Variants in SLC16A7 observed in about 807,000 individuals in gnomAD.
SLC16A7 encodes the protein monocarboxylate transporter 2.
SLC16A7 carries 33 observed loss-of-function variants against 34.9 expected under a neutral mutation model. The ratio of observed to expected loss-of-function variants is 0.94; its 90% CI spans 0.72 to 1.26. The LOEUF (loss-of-function observed/expected upper bound fraction) is 1.26, where lower values mean the gene tolerates loss of function less well. Among genes scored for constraint, SLC16A7 ranks in the 50% most tolerant of loss-of-function variants. The pLI, the probability that SLC16A7 is intolerant of heterozygous loss-of-function variation, is 0.00. For missense variants in SLC16A7, 573 were observed against 578.1 expected (o/e 0.99, Z 0.09); for synonymous variants, 201 against 206.6 (o/e 0.97, Z 0.23).
intron 1 of SLC16A7, among the ~76,000 whole-genome samples, chr12:59,615,859 G>T (rs140919962): frequency 6.6e-6 from 1 of 152,192 alleles, no homozygotes; most frequent in African/African-American, 2.4e-5. Flanking sequence ...AAATTGAAAA[G>T]AGAGTCTGCT....
chr12:59,770,187 C>T (rs1227724168), intron 3 of SLC16A7, among the ~76,000 whole-genome samples: 1 of 152,050 alleles, frequency 6.6e-6, no homozygotes, highest in Non-Finnish European at 1.5e-5. Context: ...TATGTATATA[C>T]ACACACAGAC....
At chr12:59,725,616 T>G (rs1876137519) in intron 3 of SLC16A7, among the ~76,000 whole-genome samples, 1 of 152,164 alleles carries the variant, frequency 6.6e-6, no homozygotes, top group Admixed American at 6.5e-5. Flanking sequence ...ATAGATGAGA[T>G]GTATTTTGAA....
At position 59,671,994 on chromosome 12, in the gene SLC16A7, T is replaced by C. The variant is rs1169026356; in HGVS notation, c.-31+16744T>C. On this transcript the variant is annotated intron_variant, in intron 2 of 5. Transcript: ENST00000547379. ...ATATCCATATATCCGTATATATATG[T>C]GTATATATCCATATATCCGTATATA... Among the ~76,000 whole-genome samples the C allele has an allele frequency of 1.7e-4, 3 of 17,382 alleles. 1 individual carries two copies. The highest frequency in any genetic ancestry group is 1.0e-3 in the African/African-American group (3 of 2,942). The allele number at this position is 17,382 out of a possible 152,430, so 11.4% of individuals were successfully genotyped here.
intron 1 of SLC16A7, among the ~76,000 whole-genome samples, chr12:59,635,598 A>G (rs1057209312): frequency 2.6e-5 from 4 of 152,074 alleles, no homozygotes; most frequent in Non-Finnish European, 5.9e-5. Context: ...TCTGTTTGAA[A>G]ATCCATGTAT....
At chr12:59,678,579 T>C (rs887304394) in intron 2 of SLC16A7, among the ~76,000 whole-genome samples, 7 of 152,066 alleles carry the variant, frequency 4.6e-5, no homozygotes, top group Admixed American at 2.0e-4. Context: ...TCTCTTTGAG[T>C]CTAGCTGAGT....
intron 2 of SLC16A7, among the ~76,000 whole-genome samples, chr12:59,681,857 C>G (rs1269123950): frequency 6.6e-6 from 1 of 152,078 alleles, no homozygotes; most frequent in African/African-American, 2.4e-5. Context: ...GAACATGGCT[C>G]AGTTCAGTCT....
At chr12:59,756,420 A>T (rs1317966418) in intron 3 of SLC16A7, among the ~76,000 whole-genome samples, 2 of 151,932 alleles carry the variant, frequency 1.3e-5, no homozygotes, top group Non-Finnish European at 2.9e-5. Flanking sequence ...GAGAAAAACA[A>T]ACAACCCCAT....
intron 3 of SLC16A7, among the ~76,000 whole-genome samples, chr12:59,757,176 C>T (rs924090456): frequency 2.6e-5 from 4 of 151,300 alleles, no homozygotes; most frequent in East Asian, 3.9e-4. Flanking sequence ...TTAATGGGTG[C>T]AGCACACCAG....
intron 3 of SLC16A7, chr12:59,720,241 A>G (rs1289097574): frequency 3.9e-6 from 2 of 514,566 alleles, no homozygotes; most frequent in African/African-American, 4.0e-5. Context: ...GTTGACTAAA[A>G]TTTATTAGGT....
At chr12:59,737,023 G>A (rs530464345) in intron 3 of SLC16A7, among the ~76,000 whole-genome samples, 2 of 152,314 alleles carry the variant, frequency 1.3e-5, no homozygotes, top group African/African-American at 4.8e-5. Context: ...ATTGGAGATT[G>A]CATGTTGTTC....
intron 1 of SLC16A7, among the ~76,000 whole-genome samples, chr12:59,614,113 C>T (rs1435856459): frequency 2.0e-5 from 3 of 149,090 alleles, no homozygotes; most frequent in South Asian, 4.3e-4. Flanking sequence ...TGCAGTGGTG[C>T]GATCTCGACT....
chr12:59,602,773 C>T (rs560483909), intron 1 of SLC16A7, among the ~76,000 whole-genome samples: 3 of 152,168 alleles, frequency 2.0e-5, no homozygotes, highest in Non-Finnish European at 4.4e-5. Context: ...ACATGAGCCA[C>T]TGAGCCTGGC....
At chr12:59,706,669 C>T (rs1335414922) in intron 3 of SLC16A7, among the ~76,000 whole-genome samples, 1 of 152,074 alleles carries the variant, frequency 6.6e-6, no homozygotes, top group East Asian at 1.9e-4. Context: ...TTCCTGTATC[C>T]TGTGGGACAG....
chr12:59,762,874 G>T (rs1454638982), intron 3 of SLC16A7, among the ~76,000 whole-genome samples: 1 of 151,624 alleles, frequency 6.6e-6, no homozygotes, highest in African/African-American at 2.4e-5. Context: ...ATAAATGAAT[G>T]AATGATCATG....
intron 1 of SLC16A7, among the ~76,000 whole-genome samples, chr12:59,628,785 C>T (rs1226363392): frequency 6.6e-6 from 1 of 151,812 alleles, no homozygotes; most frequent in East Asian, 1.9e-4. Context: ...CCCATCTAGC[C>T]TTTGAATTGA....
rs1313086945 is a variant in SLC16A7 at position 59,782,996 on chromosome 12, G to C, written c.*3317G>C. On this transcript the variant is annotated 3_prime_UTR_variant, in exon 6 of 6. Transcript: ENST00000547379. ...TTGAATGTGCACTTTAAAAAATCTAGATAATTTATACTCATTCTTTTCTGG... is the reference window on the plus strand; with the variant it reads ...TTGAATGTGCACTTTAAAAAATCTACATAATTTATACTCATTCTTTTCTGG... The C allele has an allele frequency of 6.6e-6, 1 of 152,070 alleles. No individual in the cohort carries two copies. Among genetic ancestry groups the C allele is most frequent in the Non-Finnish European group, 1.5e-5 (1 of 68,022 alleles). The allele number at this position is 152,070 out of a possible 1,614,324, so 9.4% of individuals were successfully genotyped here.
chr12:59,617,694 G>A (rs185865069), intron 1 of SLC16A7, among the ~76,000 whole-genome samples: 8 of 151,968 alleles, frequency 5.3e-5, no homozygotes, highest in African/African-American at 1.4e-4. Flanking sequence ...TATAATAATA[G>A]CAAAATAATA....
intron 1 of SLC16A7, among the ~76,000 whole-genome samples, chr12:59,612,077 G>A (rs982077707): frequency 6.6e-6 from 1 of 152,204 alleles, no homozygotes; most frequent in Non-Finnish European, 1.5e-5. Flanking sequence ...GCGGTGCCCC[G>A]ATGGAGACTC....
rs569011825 is a variant in SLC16A7, at chr12:59,611,261, G to A, written c.-130+15025G>A. The stretch of plus-strand genomic sequence containing the variant: ...AGGACTCAGCAAACTTAACAGTCAT[G>A]GTAGAAGGGGGAAGCAAACATGTCC... On this transcript the variant is annotated intron_variant, in intron 1 of 5. Coordinates refer to ENST00000547379, the MANE Select transcript of SLC16A7 (RefSeq NM_001270623.2). Among the ~76,000 whole-genome samples, 18 of 152,302 alleles carry A rather than the reference G, an allele frequency of 1.2e-4. No individual in the cohort carries two copies. The South Asian group carries it at 3.3e-3, about 28-fold the overall frequency.
Sources: gnomAD v4.1 joint callset for allele counts (sites outside exome capture counted in the v4.1 genomes callset) on GRCh38, gnomAD v4.1.1 for gene constraint, MANE v1.5 for transcripts, NCBI Gene and HGNC (gene_info 2026-07-23, HGNC 2026-07-21) for gene names.